Variants in SEC24D observed in about 807,000 individuals in gnomAD.
SEC24D encodes the protein protein transport protein Sec24D.
A neutral mutation model predicts 116.9 loss-of-function variants in SEC24D; 69 were observed. That is an observed-to-expected ratio of 0.59 (90% CI 0.49 to 0.72). The LOEUF (loss-of-function observed/expected upper bound fraction) is 0.72. Among genes scored for constraint, SEC24D ranks in the 30% least tolerant of loss-of-function variants. The pLI is 0.00. For synonymous variants in SEC24D, 405 were observed against 442.8 expected (o/e 0.91, Z 1.07); for missense variants, 1,131 against 1,264.1 (o/e 0.89, Z 1.60).
chr4:118,819,061 T>C (rs1169099140), intron 3 of SEC24D, among the ~76,000 whole-genome samples: 3 of 152,178 alleles, frequency 2.0e-5, no homozygotes, highest in Admixed American at 6.5e-5. Flanking sequence ...TTAATGACAC[T>C]GGTGAAACAC....
At chr4:118,744,251 T>C in intron 14 of SEC24D, 93 bp from the exon 15 acceptor site, 1 of 1,238,986 alleles carries the variant, frequency 8.1e-7, no homozygotes, top group African/African-American at 1.5e-5. Context: ...TATTGAATTT[T>C]CAAAATGGAA....
intron 8 of SEC24D, among the ~76,000 whole-genome samples, chr4:118,783,623 T>C (rs984342567): frequency 3.9e-5 from 6 of 152,250 alleles, no homozygotes; most frequent in African/African-American, 1.2e-4. Flanking sequence ...TAAATTATCA[T>C]ATCAAATAAC....
At chr4:118,739,650 C>T (rs1726138809) in intron 17 of SEC24D, among the ~76,000 whole-genome samples, 1 of 152,204 alleles carries the variant, frequency 6.6e-6, no homozygotes, top group South Asian at 2.1e-4. Flanking sequence ...CTACTCAAGG[C>T]TCACTTTCTT....
intron 7 of SEC24D, among the ~76,000 whole-genome samples, chr4:118,803,261 G>GTT (rs749544048): frequency 6.6e-6 from 1 of 152,174 alleles, no homozygotes; most frequent in African/African-American, 2.4e-5. Flanking sequence ...TAAATTTTAT[G>GTT]TTATATATAT....
intron 3 of SEC24D, among the ~76,000 whole-genome samples, chr4:118,820,328 G>A (rs115751657): frequency 0.044 from 6,635 of 151,880 alleles, 200 homozygotes; most frequent in Non-Finnish European, 0.064. Context: ...TTACAGGTAC[G>A]CAGCACCACA....
intron 8 of SEC24D, among the ~76,000 whole-genome samples, chr4:118,782,044 T>C (rs1728439555): frequency 6.6e-6 from 1 of 152,220 alleles, no homozygotes; most frequent in Non-Finnish European, 1.5e-5. Context: ...TCCTTTAGCT[T>C]GGAGAAGTTT....
At chr4:118,799,022 G>T (rs1729307690) in intron 7 of SEC24D, among the ~76,000 whole-genome samples, 1 of 152,212 alleles carries the variant, frequency 6.6e-6, no homozygotes, top group Non-Finnish European at 1.5e-5. Context: ...TAGAGCAGAG[G>T]AGTGTCATGC....
chr4:118,723,684 G>T (rs1350873442), intron 22 of SEC24D, 29 bp from the exon 23 acceptor site: 94 of 1,587,258 alleles, frequency 5.9e-5, no homozygotes, highest in Non-Finnish European at 7.8e-5. Context: ...AACAGTAACA[G>T]CCCCTGGTTA....
chr4:118,797,816 A>T lies in SEC24D; in HGVS notation c.914-6T>A. 2 of 1,588,010 alleles carry T rather than the reference A, an allele frequency of 1.3e-6. No individual in the cohort carries two copies. Among genetic ancestry groups the T allele is most frequent in the Non-Finnish European group, 1.7e-6 (2 of 1,163,276 alleles). On this transcript the variant is annotated splice_region_variant and splice_polypyrimidine_tract_variant and intron_variant, in intron 7 of 22. Transcript: ENST00000280551. The stretch of plus-strand genomic sequence containing the variant: ...GAATCGAGGACTGGCATTTCCTGAA[A>T]CATTCAAAAGGATACACTTAAAACT...
intron 8 of SEC24D, among the ~76,000 whole-genome samples, chr4:118,773,308 A>G (rs1326727944): frequency 6.6e-6 from 1 of 152,170 alleles, no homozygotes; most frequent in Non-Finnish European, 1.5e-5. Context: ...TTTTGCCTAC[A>G]ATGGGACCTA....
At position 118,824,613 on chromosome 4, in the gene SEC24D, A is replaced by G. The variant is rs139956480; in HGVS notation, c.248+7T>C. ...TACAAACGAAGGTTGGAATCTACCT[A>G]GCTCACCTTTGGGGAGGGTGACCAG... On this transcript the variant is annotated splice_region_variant and intron_variant, in intron 3 of 22. Coordinates refer to ENST00000280551, the MANE Select transcript of SEC24D (RefSeq NM_014822.4). The G allele has an allele frequency of 5.6e-3, 8,946 of 1,601,182 alleles. 29 individuals carry two copies. The highest frequency in any genetic ancestry group is 6.8e-3 in the Non-Finnish European group (8,003 of 1,175,656).
intron 8 of SEC24D, among the ~76,000 whole-genome samples, chr4:118,781,784 T>C (rs1728424017): frequency 6.6e-6 from 1 of 152,198 alleles, no homozygotes; most frequent in Admixed American, 6.5e-5. Flanking sequence ...GCTTTGTTCA[T>C]TTCTTTTTAC....
Position 118,752,683 on chromosome 4 carries a change from C to G in SEC24D, c.1613+14G>C. On this transcript the variant is annotated intron_variant, in intron 12 of 22. Coordinates refer to ENST00000280551, the MANE Select transcript of SEC24D (RefSeq NM_014822.4). ...CCTGATTTACTTTTAAATTATAAAA[C>G]ACTTGATATTTACTTATGAATCACA... 1 of 1,562,658 alleles carries G rather than the reference C, an allele frequency of 6.4e-7. No homozygotes were observed. The highest frequency in any genetic ancestry group is 8.7e-7 in the Non-Finnish European group (1 of 1,148,406).
intron 21 of SEC24D, chr4:118,730,324 T>G (rs1725620723): frequency 6.6e-6 from 1 of 152,190 alleles, no homozygotes; most frequent in Admixed American, 6.5e-5. Flanking sequence ...AAAACCAATC[T>G]CTAACTGGAA....
At chr4:118,747,458 G>A (rs969922446) in intron 13 of SEC24D, among the ~76,000 whole-genome samples, 1 of 151,800 alleles carries the variant, frequency 6.6e-6, no homozygotes, top group Non-Finnish European at 1.5e-5. Context: ...TAGAGATGGG[G>A]CTTCTCCATG....
intron 9 of SEC24D, among the ~76,000 whole-genome samples, chr4:118,765,424 T>G (rs1324896417): frequency 6.6e-6 from 1 of 152,210 alleles, no homozygotes; most frequent in Non-Finnish European, 1.5e-5. Context: ...ATTACTGTAT[T>G]AGGGAAAGAC....
At chr4:118,789,589 ATTTTT>A (rs1431491942) in intron 8 of SEC24D, among the ~76,000 whole-genome samples, 3 of 152,060 alleles carry the variant, frequency 2.0e-5, no homozygotes, top group Admixed American at 2.0e-4. Flanking sequence ...TTATTTATTT[ATTTTT>A]ATTTTTTTGA....
At chr4:118,795,440 C>CTCTG (rs1729136964) in intron 8 of SEC24D, among the ~76,000 whole-genome samples, 1 of 152,016 alleles carries the variant, frequency 6.6e-6, no homozygotes, top group Non-Finnish European at 1.5e-5. Flanking sequence ...AACTCCTGAC[C>CTCTG]TCTGGTGATT....
intron 6 of SEC24D, among the ~76,000 whole-genome samples, chr4:118,807,493 A>G (rs978981076): frequency 1.3e-5 from 2 of 148,842 alleles, no homozygotes; most frequent in East Asian, 1.9e-4. Context: ...GAATAAAAGG[A>G]AAAAAAAATG....
Sources: gnomAD v4.1 joint callset for allele counts (sites outside exome capture counted in the v4.1 genomes callset) on GRCh38, gnomAD v4.1.1 for gene constraint, MANE v1.5 for transcripts, NCBI Gene and HGNC (gene_info 2026-07-23, HGNC 2026-07-21) for gene names.